OCA2: variants seen among roughly 807,000 people sequenced by gnomAD.
OCA2 encodes OCA2 melanosomal transmembrane protein, also known as P protein.
Under a neutral mutation model 100.2 loss-of-function variants are expected in OCA2, and 77 were observed. The ratio of observed to expected loss-of-function variants is 0.77; its 90% CI spans 0.64 to 0.93. The LOEUF is 0.93. Ranked by LOEUF, OCA2 falls within the 40% of genes least tolerant of loss-of-function variation. The pLI, the probability that OCA2 is intolerant of heterozygous loss-of-function variation, is 0.00. For synonymous variants in OCA2, 432 were observed against 439.2 expected (o/e 0.98, Z 0.21); for missense variants, 1,062 against 1,089.1 (o/e 0.98, Z 0.35).
At chr15:27,924,038 G>T (rs2140356085) in intron 19 of OCA2, among the ~76,000 whole-genome samples, 1 of 152,236 alleles carries the variant, frequency 6.6e-6, no homozygotes, top group African/African-American at 2.4e-5. Context: ...TTTTGTATAT[G>T]GTATAAGGAA....
chr15:28,023,490 G>A (rs7174197), intron 5 of OCA2, among the ~76,000 whole-genome samples: 1 of 152,086 alleles, frequency 6.6e-6, no homozygotes, highest in African/African-American at 2.4e-5. Flanking sequence ...ACGCGTGCAG[G>A]TCACGAAACA....
In OCA2 at chr15:27,983,455, T is replaced by C. The variant is rs1346058725; in HGVS notation, c.1393A>G (p.Arg465Gly). The change falls in exon 14 of 24, where the codon AGA becomes GGA. Residue 465 changes from arginine to glycine, a missense_variant. Transcript: ENST00000354638. ...RLCEVLNLDP[R>G]QVLIAEVIFT... ...ATCACTTCTGCAATCAGGACTTGTC[T>C]TGGATCAAGGTTGAGCACCTCACAC... The C allele has an allele frequency of 6.2e-7, 1 of 1,614,222 alleles. No individual in the cohort carries two copies.
chr15:28,019,647 C>G (rs2042526984), intron 6 of OCA2, among the ~76,000 whole-genome samples: 1 of 152,180 alleles, frequency 6.6e-6, no homozygotes, highest in Non-Finnish European at 1.5e-5. Context: ...TGTCCTTCAC[C>G]CAGCCTCCTC....
At position 28,068,685 on chromosome 15, in the gene OCA2, A is replaced by G. The variant is rs115264148; in HGVS notation, c.227+12963T>C. The stretch of plus-strand genomic sequence containing the variant: ...TATCCCTCATGAACATAGATGCAGA[A>G]GTCCTCGACAAAATACTAGCAAATA... On this transcript the variant is annotated intron_variant, in intron 2 of 23. Coordinates refer to ENST00000354638, the MANE Select transcript of OCA2 (RefSeq NM_000275.3). Among the ~76,000 whole-genome samples, 591 of 152,386 alleles carry G rather than the reference A, an allele frequency of 3.9e-3. 4 individuals carry two copies. The highest frequency in any genetic ancestry group is 0.014 in the African/African-American group (566 of 41,596).
At chr15:27,980,185 T>C (rs1009677470) in intron 14 of OCA2, among the ~76,000 whole-genome samples, 1 of 152,082 alleles carries the variant, frequency 6.6e-6, no homozygotes, top group Non-Finnish European at 1.5e-5. Context: ...TGGAGTGCAG[T>C]GGCACGATCT....
intron 9 of OCA2, among the ~76,000 whole-genome samples, chr15:28,000,448 T>A (rs1483868529): frequency 1.3e-5 from 2 of 152,186 alleles, no homozygotes; most frequent in Non-Finnish European, 1.5e-5. Flanking sequence ...CTACACCATA[T>A]ACAGAAATTG....
chr15:27,752,333 C>T (rs918102008), downstream of OCA2, among the ~76,000 whole-genome samples: 3 of 152,172 alleles, frequency 2.0e-5, no homozygotes, highest in Non-Finnish European at 2.9e-5. Flanking sequence ...CTGGTTTCTT[C>T]GAGGTTGTCT....
At chr15:28,082,853 TA>T (rs1301628778) in intron 1 of OCA2, among the ~76,000 whole-genome samples, 1 of 152,072 alleles carries the variant, frequency 6.6e-6, no homozygotes, top group Non-Finnish European at 1.5e-5. Flanking sequence ...ATACCTACAA[TA>T]AAAGTAAGAA....
chr15:28,070,639 G>A (rs1247493285), intron 2 of OCA2, among the ~76,000 whole-genome samples: 10 of 149,486 alleles, frequency 6.7e-5, no homozygotes, highest in Admixed American at 5.9e-4. Context: ...CCTCTGCCCG[G>A]CCACCACCCC....
chr15:27,759,622 T>C (rs938219318), intron 23 of OCA2, among the ~76,000 whole-genome samples: 2 of 151,724 alleles, frequency 1.3e-5, no homozygotes, highest in African/African-American at 4.8e-5. Context: ...CGAGAGATCA[T>C]AGTTATCCTG....
chr15:27,755,666 A>G (rs1040821681), intron 23 of OCA2, among the ~76,000 whole-genome samples, 194 bp from the exon 24 acceptor site: 4 of 152,218 alleles, frequency 2.6e-5, no homozygotes, highest in African/African-American at 9.6e-5. Flanking sequence ...GACATCCTCC[A>G]TTGTGTGCAA....
chr15:27,866,640 C>T (rs58934041), intron 21 of OCA2, among the ~76,000 whole-genome samples: 10,735 of 152,224 alleles, frequency 0.071, 838 homozygotes, highest in African/African-American at 0.19. Context: ...TCTTGACAAT[C>T]CGCTTGTCCA....
At chr15:27,830,409 C>T (rs1476455234) in intron 23 of OCA2, among the ~76,000 whole-genome samples, 4 of 151,872 alleles carry the variant, frequency 2.6e-5, no homozygotes, top group African/African-American at 7.3e-5. Flanking sequence ...CAAATGTTCA[C>T]TTTTAAAAAG....
chr15:28,032,792 C>CAAAAA (rs34369918), intron 2 of OCA2, among the ~76,000 whole-genome samples: 1 of 107,538 alleles, frequency 9.3e-6, no homozygotes. Flanking sequence ...GACTCTGTCT[C>CAAAAA]AAAAAAAAAA....
At chr15:27,911,050 G>A (rs191208597) in intron 19 of OCA2, among the ~76,000 whole-genome samples, 23 of 152,284 alleles carry the variant, frequency 1.5e-4, no homozygotes, top group African/African-American at 5.3e-4. Context: ...GTAGAAAGAT[G>A]AGCAAAGGAG....
chr15:27,815,570 A>G (rs1243372180), intron 23 of OCA2, among the ~76,000 whole-genome samples: 1 of 152,222 alleles, frequency 6.6e-6, no homozygotes, highest in Non-Finnish European at 1.5e-5. Flanking sequence ...TAAATAGCCA[A>G]GAACCCCTAC....
rs776934050 is a variant in OCA2, at chr15:28,027,993, A to C, written c.393T>G (p.Ser131=). ...ITAEESWEDS[S]ADWERRYLLS... ...GCAGGTATCTTCGCTCCCAGTCAGCAGAGCTGTCTTCCCAAGACTCTTCAG... is the reference window on the plus strand; with the variant it reads ...GCAGGTATCTTCGCTCCCAGTCAGCCGAGCTGTCTTCCCAAGACTCTTCAG... Residue 131 remains serine, a synonymous_variant, in exon 4 of 24, where the codon TCT becomes TCG. Transcript: ENST00000354638. 5.0e-6 allele frequency: 8 copies of C among 1,614,228 alleles called. No homozygotes were observed.
chr15:27,911,636 C>G (rs1595626972), intron 19 of OCA2, among the ~76,000 whole-genome samples: 1 of 152,092 alleles, frequency 6.6e-6, no homozygotes, highest in South Asian at 2.1e-4. Flanking sequence ...ACAACCAGGT[C>G]TCTCACGAAG....
chr15:27,842,825 C>T (rs890276413), intron 23 of OCA2, among the ~76,000 whole-genome samples: 3 of 137,644 alleles, frequency 2.2e-5, no homozygotes, highest in Non-Finnish European at 4.8e-5. Context: ...ACTGCACACA[C>T]GCACACACAC....
Sources: gnomAD v4.1 joint callset for allele counts (sites outside exome capture counted in the v4.1 genomes callset) on GRCh38, gnomAD v4.1.1 for gene constraint, MANE v1.5 for transcripts, NCBI Gene and HGNC (gene_info 2026-07-23, HGNC 2026-07-21) for gene names.